RBFOX2: variants seen among roughly 807,000 people sequenced by gnomAD.
RBFOX2 encodes the protein RNA binding protein fox-1 homolog 2.
A neutral mutation model predicts 49.1 loss-of-function variants in RBFOX2; 10 were observed. The observed-to-expected ratio is 0.20, with a 90% CI of 0.13 to 0.35. RBFOX2 has a LOEUF of 0.35. Ranked by LOEUF, RBFOX2 falls within the 10% of genes least tolerant of loss-of-function variation. The pLI is 1.00. For missense variants in RBFOX2, 323 were observed against 486.9 expected, an observed-to-expected ratio of 0.66 and a Z score of 3.17; for synonymous variants, 183 against 187.4, an observed-to-expected ratio of 0.98 and a Z score of 0.19.
At chr22:35,845,346 T>C (rs1175871962), upstream of RBFOX2, among the ~76,000 whole-genome samples, 1 of 151,882 alleles carries the variant, frequency 6.6e-6, no homozygotes, top group East Asian at 1.9e-4. Flanking sequence ...TCCCTAACTT[T>C]ATTTCTCTAG....
chr22:35,983,375 T>A, intron 1 of RBFOX2, among the ~76,000 whole-genome samples: 1 of 152,136 alleles, frequency 6.6e-6, no homozygotes, highest in Non-Finnish European at 1.5e-5. Context: ...GATAGAAAAG[T>A]AAGACAGGAA....
intron 1 of RBFOX2, among the ~76,000 whole-genome samples, chr22:35,823,684 T>C (rs1955010365): frequency 6.6e-6 from 1 of 152,216 alleles, no homozygotes; most frequent in Non-Finnish European, 1.5e-5. Flanking sequence ...AACATTTATG[T>C]TTCTTTAAAA....
chr22:35,948,087 CAT>C (rs1229685764), intron 1 of RBFOX2, among the ~76,000 whole-genome samples: 3 of 152,160 alleles, frequency 2.0e-5, no homozygotes, highest in East Asian at 1.9e-4. Context: ...TTTTGCTGTA[CAT>C]GTTTAGATAA....
At chr22:35,857,400 C>T (rs542931310) in intron 1 of RBFOX2, among the ~76,000 whole-genome samples, 9 of 152,196 alleles carry the variant, frequency 5.9e-5, no homozygotes, top group African/African-American at 1.4e-4. Context: ...TAAGAGATGA[C>T]GAAGACAACA....
chr22:35,783,800 C>T (rs1263528402), intron 2 of RBFOX2, among the ~76,000 whole-genome samples: 1 of 152,162 alleles, frequency 6.6e-6, no homozygotes, highest in South Asian at 2.1e-4. Context: ...CAAGGACGGC[C>T]CCACACTACT....
chr22:35,803,463 C>T (rs1950136031), intron 2 of RBFOX2, among the ~76,000 whole-genome samples: 2 of 152,094 alleles, frequency 1.3e-5, no homozygotes, highest in Admixed American at 1.3e-4. Flanking sequence ...ACTCCTTGAG[C>T]CCAGGAGTTC....
intron 1 of RBFOX2, among the ~76,000 whole-genome samples, chr22:35,912,128 A>T (rs541331610): frequency 3.5e-4 from 54 of 152,304 alleles, no homozygotes; most frequent in African/African-American, 1.2e-3. Flanking sequence ...CATAATAAAC[A>T]TTATGGAACT....
intron 1 of RBFOX2, among the ~76,000 whole-genome samples, chr22:35,903,457 A>G (rs552330270): frequency 6.6e-6 from 1 of 152,234 alleles, no homozygotes; most frequent in South Asian, 2.1e-4. Flanking sequence ...CTTGGGGTTC[A>G]ATCCTGAGTC....
At chr22:35,756,121 TA>T in intron 9 of RBFOX2, 1 of 1,503,956 alleles carries the variant, frequency 6.6e-7, no homozygotes, top group Non-Finnish European at 8.9e-7. Flanking sequence ...GTCAGCACCG[TA>T]AAATCCGTCC....
intron 1 of RBFOX2, among the ~76,000 whole-genome samples, 191 bp downstream of exon 1, chr22:36,028,049 C>T (rs1374661966): frequency 6.6e-6 from 1 of 152,154 alleles, no homozygotes; most frequent in African/African-American, 2.4e-5. Flanking sequence ...CTCGGGCACA[C>T]CAGGTTCAGT....
chr22:35,840,860 C>CAG (rs1161824249), upstream of RBFOX2, among the ~76,000 whole-genome samples: 1 of 152,046 alleles, frequency 6.6e-6, no homozygotes, highest in Non-Finnish European at 1.5e-5. Context: ...TACTGATGTA[C>CAG]AGTTTATAGA....
At chr22:35,876,862 A>G (rs888140825) in intron 1 of RBFOX2, among the ~76,000 whole-genome samples, 1 of 152,214 alleles carries the variant, frequency 6.6e-6, no homozygotes, top group South Asian at 2.1e-4. Flanking sequence ...TGAAATAAAA[A>G]TAAACAAAAA....
chr22:35,799,106 CAG>C (rs1234841632), intron 2 of RBFOX2, among the ~76,000 whole-genome samples: 1 of 152,086 alleles, frequency 6.6e-6, no homozygotes, highest in East Asian at 1.9e-4. Context: ...GTGACAGAAA[CAG>C]AGAGAGAATT....
upstream of RBFOX2, among the ~76,000 whole-genome samples, chr22:35,966,430 G>A (rs977072276): frequency 2.6e-5 from 4 of 152,148 alleles, no homozygotes. Flanking sequence ...TTCCAAAGTT[G>A]TACCAATTTA....
intron 1 of RBFOX2, among the ~76,000 whole-genome samples, chr22:35,933,700 T>A (rs1474731387): frequency 6.6e-6 from 1 of 152,096 alleles, no homozygotes; most frequent in East Asian, 1.9e-4. Flanking sequence ...CCTCTTTTAA[T>A]CAATTAACTT....
At chr22:35,981,393 A>G (rs1488942708) in intron 1 of RBFOX2, among the ~76,000 whole-genome samples, 1 of 152,196 alleles carries the variant, frequency 6.6e-6, no homozygotes. Context: ...CAGTAATCCC[A>G]GCACTTTGGG....
At chr22:35,866,002 G>A (rs1056954675) in intron 1 of RBFOX2, among the ~76,000 whole-genome samples, 3 of 152,070 alleles carry the variant, frequency 2.0e-5, no homozygotes, top group African/African-American at 7.2e-5. Context: ...TATGCACTGG[G>A]GATAAATTAG....
At position 35,911,920 on chromosome 22, in the gene RBFOX2, C is replaced by A. The variant is rs2049881920; in HGVS notation, c.-34+26927G>T. On this transcript the variant is annotated intron_variant, in intron 1 of 13. Coordinates refer to the RBFOX2 transcript ENST00000359369. ...AACCCCTTTCATCTCTAAACCTCAA[C>A]AACATTTGCTGGTCTTGGTTCACTC... Among the ~76,000 whole-genome samples, 3 of 152,180 alleles carry A rather than the reference C, an allele frequency of 2.0e-5. 1 individual carries two copies. In the South Asian group the frequency reaches 6.2e-4, roughly 32 times the overall value.
At chr22:35,980,120 A>G (rs1240869734) in intron 1 of RBFOX2, among the ~76,000 whole-genome samples, 1 of 152,204 alleles carries the variant, frequency 6.6e-6, no homozygotes, top group Non-Finnish European at 1.5e-5. Flanking sequence ...ATGACCTATT[A>G]AAAGATAACA....
Sources: allele counts gnomAD v4.1 joint callset (sites outside exome capture counted in the v4.1 genomes callset), GRCh38; gene constraint gnomAD v4.1.1; transcripts MANE v1.5; gene names NCBI Gene and HGNC (gene_info 2026-07-23, HGNC 2026-07-21).